The following COL6A5 variants were observed in gnomAD, a reference collection of about 807,000 sequenced individuals.
COL6A5 encodes the protein collagen alpha-5(VI) chain.
In COL6A5, 48 loss-of-function variants were observed where a neutral mutation model predicts 65.6. The ratio of observed to expected loss-of-function variants is 0.73; its 90% CI spans 0.58 to 0.93. The LOEUF (loss-of-function observed/expected upper bound fraction) is 0.93, where lower values mean the gene tolerates loss of function less well. Among genes scored for constraint, COL6A5 ranks in the 40% least tolerant of loss-of-function variants. COL6A5 has a pLI of 0.00. For missense variants in COL6A5, 914 were observed against 928.3 expected, an observed-to-expected ratio of 0.98 and a Z score of 0.20; for synonymous variants, 291 against 322.8, an observed-to-expected ratio of 0.90 and a Z score of 1.05.
rs927790429 is a variant in COL6A5 at position 130,401,650 on chromosome 3, A to G, written c.4135-112A>G. 4 of 777,292 alleles carry G rather than the reference A, an allele frequency of 5.1e-6. No individual in the cohort carries two copies. In the African/African-American group the frequency reaches 5.2e-5, roughly 10 times the overall value. The allele number at this position is 777,292 out of a possible 1,614,324, so 48.1% of individuals were successfully genotyped here. A position where few individuals can be genotyped will look rare whatever the true frequency, so the allele number is the denominator to read the frequency against. On this transcript the variant is annotated intron_variant and NMD_transcript_variant, in intron 11 of 41. Coordinates refer to the COL6A5 transcript ENST00000312481. ...CTTATTCTCTGCAGCCCCTCATCCA[A>G]AGGGTGAAGATGGGCGTGTAGATGG...
At chr3:130,450,278 T>C (rs897441643) in intron 4 of COL6A5, among the ~76,000 whole-genome samples, 2 of 152,160 alleles carry the variant, frequency 1.3e-5, no homozygotes, top group Non-Finnish European at 2.9e-5. Context: ...TCCATCTATA[T>C]CATACTTAGA....
intron 4 of COL6A5, among the ~76,000 whole-genome samples, chr3:130,380,966 G>A (rs116287869): frequency 2.6e-4 from 39 of 152,108 alleles, no homozygotes; most frequent in African/African-American, 8.4e-4. Flanking sequence ...TCCTAGGATC[G>A]TTGTCCAAAA....
intron 4 of COL6A5, among the ~76,000 whole-genome samples, chr3:130,449,236 TA>T (rs1709372900): frequency 6.6e-6 from 1 of 152,178 alleles, no homozygotes; most frequent in African/African-American, 2.4e-5. Context: ...AAGGATAACC[TA>T]AACCAGCCCT....
intron 18 of COL6A5, 99 bp downstream of exon 18, chr3:130,409,487 G>T (rs1187002347): frequency 8.7e-6 from 9 of 1,034,566 alleles, no homozygotes; most frequent in African/African-American, 1.6e-5. Context: ...TAGGCAAATG[G>T]TTGTCTTAGG....
chr3:130,460,248 T>G (rs1211980937), intron 5 of COL6A5, among the ~76,000 whole-genome samples: 2 of 152,120 alleles, frequency 1.3e-5, no homozygotes, highest in Admixed American at 1.3e-4. Context: ...TTTTATGAAA[T>G]CATTAAGAAA....
intron 1 of COL6A5, among the ~76,000 whole-genome samples, chr3:130,362,310 ATATATATATATATATATT>A (rs1935152059): frequency 1.3e-5 from 1 of 76,792 alleles, no homozygotes; most frequent in Non-Finnish European, 2.2e-5. Context: ...ATATATATAT[ATATATATATATATATATT>A]TTTTTTTTTT....
rs761117296 is a variant in COL6A5, at chr3:130,440,662, C to G, written c.1080C>G (p.Gly360=). The change falls in exon 3 of 8, where the codon GGC becomes GGG. Residue 360 remains glycine, a synonymous_variant. Coordinates refer to ENST00000512836, the Ensembl canonical transcript of COL6A5. ...TGGCTTTGAGGGCTAAGTGTCAAGGCTACGTCATATTTGTGATTTCTCTGG... is the reference window on the plus strand; with the variant it reads ...TGGCTTTGAGGGCTAAGTGTCAAGGGTACGTCATATTTGTGATTTCTCTGG... 7 of 1,613,216 alleles carry G rather than the reference C, an allele frequency of 4.3e-6. No homozygotes were observed. In the South Asian group the frequency reaches 6.6e-5, roughly 15 times the overall value.
intron 1 of COL6A5, among the ~76,000 whole-genome samples, chr3:130,439,164 G>T (rs1435782342): frequency 6.6e-6 from 1 of 152,164 alleles, no homozygotes; most frequent in African/African-American, 2.4e-5. Flanking sequence ...TGCATAATCA[G>T]AAGTGTGTAC....
At chr3:130,454,525 A>G (rs1709520615) in intron 4 of COL6A5, among the ~76,000 whole-genome samples, 1 of 152,222 alleles carries the variant, frequency 6.6e-6, no homozygotes, top group South Asian at 2.1e-4. Flanking sequence ...CATCAGTATC[A>G]AATGCAAATG....
At position 130,347,746 on chromosome 3, in the gene COL6A5, G is replaced by GATCCTACA. The variant is rs1577412722; in HGVS notation, c.-29+1766_-29+1767insTCCTACAA. Among the ~76,000 whole-genome samples the GATCCTACA allele has an allele frequency of 3.3e-5, 5 of 152,274 alleles. No homozygotes were observed. In the East Asian group the frequency reaches 9.6e-4, roughly 29 times the overall value. ...TATACTCAGAATCCTCCAGCTCTGA[G>GATCCTACA]AGTGGAGGGCACAAATTCACTTGGA... is the stretch of plus-strand genomic sequence containing the variant. On this transcript the variant is annotated intron_variant and NMD_transcript_variant, in intron 1 of 41. Coordinates refer to the COL6A5 transcript ENST00000312481.
chr3:130,406,386 T>TGACACACAGCAGTTAA, intron 17 of COL6A5, 65 bp downstream of exon 17: 1 of 1,253,852 alleles, frequency 8.0e-7, no homozygotes. Flanking sequence ...TCTTAACTGC[T>TGACACACAGCAGTTAA]GTGTGTCAGT....
chr3:130,422,782 A>T, exon 28 of COL6A5: 2 of 1,485,994 alleles, frequency 1.3e-6, no homozygotes, highest in Non-Finnish European at 1.8e-6. Flanking sequence ...GGGGACTAGC[A>T]GTAAGTAGCC....
At chr3:130,395,361 G>C (rs1051011297) in exon 8 of COL6A5, 6 of 1,547,176 alleles carry the variant, frequency 3.9e-6, no homozygotes, top group Non-Finnish European at 5.2e-6. Context: ...CCAATAACAG[G>C]CAATTCTGAA....
intron 1 of COL6A5, among the ~76,000 whole-genome samples, chr3:130,357,410 C>T (rs1934960470): frequency 6.6e-6 from 1 of 152,298 alleles, no homozygotes; most frequent in African/African-American, 2.4e-5. Context: ...TGCTCTGTCA[C>T]TTAAAATGTT....
At chr3:130,387,298 C>A (rs149045890) in intron 5 of COL6A5, among the ~76,000 whole-genome samples, 184 of 152,224 alleles carry the variant, frequency 1.2e-3, no homozygotes, top group African/African-American at 4.3e-3. Context: ...GGGCAATCAT[C>A]TGCCTATCTA....
upstream of COL6A5, among the ~76,000 whole-genome samples, chr3:130,426,930 G>T (rs942209185): frequency 6.6e-6 from 1 of 152,030 alleles, no homozygotes; most frequent in African/African-American, 2.4e-5. Context: ...GAAAAGCCCA[G>T]TAATATAATT....
intron 4 of COL6A5, among the ~76,000 whole-genome samples, chr3:130,451,500 G>A (rs1709436176): frequency 1.3e-5 from 2 of 152,088 alleles, no homozygotes; most frequent in African/African-American, 4.8e-5. Flanking sequence ...CGACAGAAGG[G>A]TGAGGAGCTG....
intron 1 of COL6A5, among the ~76,000 whole-genome samples, chr3:130,368,546 AGT>A (rs148381805): frequency 3.9e-4 from 58 of 149,826 alleles, no homozygotes; most frequent in African/African-American, 8.0e-4. Context: ...TGTGTGAGAG[AGT>A]GTGTGTGTGT....
At chr3:130,477,139 C>T (rs537959868) in intron 7 of COL6A5, 22 of 1,300,984 alleles carry the variant, frequency 1.7e-5, no homozygotes, top group East Asian at 5.0e-5. Flanking sequence ...GTTTATAGAA[C>T]GTAAGTTTAC....
Sources: gnomAD v4.1 joint callset for allele counts (sites outside exome capture counted in the v4.1 genomes callset) on GRCh38, gnomAD v4.1.1 for gene constraint, MANE v1.5 for transcripts, NCBI Gene and HGNC (gene_info 2026-07-23, HGNC 2026-07-21) for gene names.